Variants in TPD52 observed in about 807,000 individuals in gnomAD.
TPD52 encodes the protein prostate and colon associated protein.
In TPD52, 17 loss-of-function variants were observed where a neutral mutation model predicts 31.3. That is an observed-to-expected ratio of 0.54 (90% CI 0.37 to 0.82). The LOEUF is 0.82. Ranked by LOEUF, TPD52 falls within the 40% of genes least tolerant of loss-of-function variation. The probability of loss-of-function intolerance (pLI) is 0.00; values close to 1 mark genes in which losing one functional copy is unlikely to be tolerated. For synonymous variants in TPD52, 83 were observed against 89.6 expected (o/e 0.93, Z 0.42); for missense variants, 212 against 240.1 (o/e 0.88, Z 0.77).
intron 1 of TPD52, among the ~76,000 whole-genome samples, chr8:80,065,265 C>A (rs979552947): frequency 2.7e-5 from 4 of 147,930 alleles, no homozygotes; most frequent in Non-Finnish European, 5.9e-5. Flanking sequence ...TTATATCTAT[C>A]TATATATATC....
intron 1 of TPD52, among the ~76,000 whole-genome samples, chr8:80,099,622 T>C (rs548033322): frequency 1.4e-4 from 21 of 151,876 alleles, no homozygotes; most frequent in South Asian, 8.4e-4. Context: ...GTGATTCTCC[T>C]GCCTCAGCCT....
downstream of TPD52, among the ~76,000 whole-genome samples, chr8:80,033,805 G>T (rs949062594): frequency 1.3e-5 from 2 of 152,156 alleles, no homozygotes. Context: ...CTGGCTGAGT[G>T]TGGGGTTTTT....
intron 2 of TPD52, among the ~76,000 whole-genome samples, chr8:80,058,840 T>C (rs981388972): frequency 1.3e-5 from 2 of 152,040 alleles, no homozygotes; most frequent in Admixed American, 6.6e-5. Flanking sequence ...ACACAAATGG[T>C]TTATCACCCA....
chr8:80,166,512 A>G (rs1003032731), intron 1 of TPD52, among the ~76,000 whole-genome samples: 1 of 151,426 alleles, frequency 6.6e-6, no homozygotes, highest in African/African-American at 2.4e-5. Context: ...GATTACAGGC[A>G]TGAGCCACCA....
At chr8:80,119,493 C>T (rs1289894048) in intron 1 of TPD52, among the ~76,000 whole-genome samples, 1 of 152,054 alleles carries the variant, frequency 6.6e-6, no homozygotes, top group Admixed American at 6.6e-5. Flanking sequence ...AACTTCTACC[C>T]GTGGCTTTGT....
chr8:80,122,614 CACAT>C (rs1808334301), intron 1 of TPD52, among the ~76,000 whole-genome samples: 1 of 152,284 alleles, frequency 6.6e-6, no homozygotes, highest in Admixed American at 6.5e-5. Context: ...GACAAAAAAA[CACAT>C]ACAAATACCC....
At position 80,140,927 on chromosome 8, in the gene TPD52, G is replaced by A. The variant is rs1337703187; in HGVS notation, c.19+30498C>T. Among the ~76,000 whole-genome samples the A allele has an allele frequency of 2.0e-5, 3 of 149,696 alleles. No individual in the cohort carries two copies. In the East Asian group the frequency reaches 5.9e-4, roughly 29 times the overall value. ...CGGCAGGAAGAACAGACCAAGAGGA[G>A]CATTTTCAGGGGCAATACAACTCGT... On this transcript the variant is annotated intron_variant, in intron 1 of 7. Transcript: ENST00000518937.
At chr8:80,061,841 A>C (rs1179919755) in intron 2 of TPD52, among the ~76,000 whole-genome samples, 1 of 152,232 alleles carries the variant, frequency 6.6e-6, no homozygotes, top group Non-Finnish European at 1.5e-5. Context: ...CAACAAGAAT[A>C]AAACACTTAG....
intron 1 of TPD52, among the ~76,000 whole-genome samples, chr8:80,148,212 G>A (rs1271772175): frequency 1.3e-5 from 2 of 151,752 alleles, no homozygotes; most frequent in Non-Finnish European, 2.9e-5. Flanking sequence ...GAAAACAGTG[G>A]CACAATCACA....
chr8:80,147,898 C>T (rs1264839589), intron 1 of TPD52, among the ~76,000 whole-genome samples: 1 of 151,942 alleles, frequency 6.6e-6, no homozygotes, highest in Non-Finnish European at 1.5e-5. Context: ...ACTTCATAAT[C>T]AGAAGTGAAA....
At chr8:80,131,708 T>C (rs956219149) in intron 1 of TPD52, among the ~76,000 whole-genome samples, 2 of 152,280 alleles carry the variant, frequency 1.3e-5, no homozygotes, top group East Asian at 1.9e-4. Context: ...ATAATACCTA[T>C]GAGCTCACAC....
At chr8:80,097,628 T>G (rs1806428334) in intron 1 of TPD52, among the ~76,000 whole-genome samples, 1 of 152,194 alleles carries the variant, frequency 6.6e-6, no homozygotes, top group Non-Finnish European at 1.5e-5. Flanking sequence ...TCCACCATGA[T>G]TCTAAGTTTC....
intron 1 of TPD52, among the ~76,000 whole-genome samples, chr8:80,073,454 T>C (rs1814164544): frequency 6.6e-6 from 1 of 152,242 alleles, no homozygotes; most frequent in Non-Finnish European, 1.5e-5. Flanking sequence ...CCCCGTGACC[T>C]TGGCTGAGAA....
At chr8:80,082,082 ACAGGTGTGAGC>A (rs962133168) in intron 1 of TPD52, among the ~76,000 whole-genome samples, 4 of 150,432 alleles carry the variant, frequency 2.7e-5, no homozygotes, top group African/African-American at 9.8e-5. Context: ...TTCTCGGATT[ACAGGTGTGAGC>A]CACCGTGCCC....
chr8:80,136,122 T>TA (rs1253189591), intron 1 of TPD52, among the ~76,000 whole-genome samples: 1 of 121,688 alleles, frequency 8.2e-6, no homozygotes, highest in Non-Finnish European at 1.7e-5. Context: ...CCCTAAAACT[T>TA]AAAGTATAAT....
intron 1 of TPD52, among the ~76,000 whole-genome samples, chr8:80,112,196 G>A (rs928282783): frequency 6.6e-6 from 1 of 152,224 alleles, no homozygotes; most frequent in Non-Finnish European, 1.5e-5. Flanking sequence ...AACACTAAGT[G>A]TGTACCAGGT....
chr8:80,168,397 T>A (rs1268772749), intron 1 of TPD52, among the ~76,000 whole-genome samples: 6 of 152,318 alleles, frequency 3.9e-5, no homozygotes, highest in Middle Eastern at 6.8e-3. Flanking sequence ...ATTTTACAAC[T>A]AGAGTTTCAT....
chr8:80,074,811 T>C (rs113725378), intron 1 of TPD52, among the ~76,000 whole-genome samples: 16 of 152,252 alleles, frequency 1.1e-4, no homozygotes, highest in African/African-American at 3.9e-4. Context: ...GGCTGGAATT[T>C]TCCCATGTGT....
At chr8:80,140,267 G>C (rs79258831) in intron 1 of TPD52, among the ~76,000 whole-genome samples, 1,672 of 152,198 alleles carry the variant, frequency 0.011, 10 homozygotes, top group Middle Eastern at 0.017. Flanking sequence ...CCAAATGCCT[G>C]GGAAGGTAGG....
Sources: allele counts gnomAD v4.1 joint callset (sites outside exome capture counted in the v4.1 genomes callset), GRCh38; gene constraint gnomAD v4.1.1; transcripts MANE v1.5; gene names NCBI Gene and HGNC (gene_info 2026-07-23, HGNC 2026-07-21).